DOCK9: variants seen among roughly 807,000 people sequenced by gnomAD.
The protein encoded by DOCK9 is dedicator of cytokinesis 9.
In DOCK9, 89 loss-of-function variants were observed where a neutral mutation model predicts 263.3. That is an observed-to-expected ratio of 0.34 (90% CI 0.28 to 0.40). The LOEUF (loss-of-function observed/expected upper bound fraction) is 0.40. Ranked by LOEUF, DOCK9 falls within the 10% of genes least tolerant of loss-of-function variation. DOCK9 has a pLI of 1.00. For synonymous variants in DOCK9, 976 were observed against 973.1 expected (o/e 1.00, Z -0.06); for missense variants, 2,140 against 2,603.4 (o/e 0.82, Z 3.87).
intron 1 of DOCK9, among the ~76,000 whole-genome samples, chr13:99,073,577 G>C (rs1258496255): frequency 6.6e-6 from 1 of 152,148 alleles, no homozygotes; most frequent in Non-Finnish European, 1.5e-5. Context: ...CTGGCAGCTG[G>C]CATTGATCTT....
chr13:98,955,569 A>G lies in DOCK9; in HGVS notation c.127-18T>C. 1 of 1,520,296 alleles carries G rather than the reference A, an allele frequency of 6.6e-7. No homozygotes were observed. 94.2% of individuals were successfully genotyped at this position (1,520,296 alleles called of 1,614,324 possible). On this transcript the variant is annotated intron_variant, in intron 1 of 52. Coordinates refer to ENST00000682017, the MANE Select transcript of DOCK9 (RefSeq NM_001366683.2). ...GGCTTTGCCTGGAGGGCGAAAAGAT[A>G]AGCAAGACATTCTCATACACAAATG... is the stretch of plus-strand genomic sequence containing the variant.
chr13:98,915,310 G>T lies in DOCK9; in HGVS notation c.892+19C>A, dbSNP rs752077040. ...CCCACAGAGTGTGTATGTGCCTGGG[G>T]GAAGCCAAGCCTATCTACCTTCGTG... On this transcript the variant is annotated intron_variant, in intron 8 of 52. Transcript: ENST00000682017. 1 of 1,609,920 alleles carries T rather than the reference G, an allele frequency of 6.2e-7. No individual in the cohort carries two copies. Among genetic ancestry groups the T allele is most frequent in the South Asian group, 1.1e-5 (1 of 90,344 alleles).
At chr13:98,939,629 G>C (rs1351555095) in intron 2 of DOCK9, among the ~76,000 whole-genome samples, 2 of 152,210 alleles carry the variant, frequency 1.3e-5, no homozygotes, top group African/African-American at 4.8e-5. Flanking sequence ...GAGACGGACG[G>C]ACCTGGATGC....
Position 98,902,345 on chromosome 13 carries a change from C to T in DOCK9, c.1323G>A (p.Gln441=). The T allele has an allele frequency of 6.2e-7, 1 of 1,614,032 alleles. No homozygotes were observed. Among genetic ancestry groups the T allele is most frequent in the Non-Finnish European group, 8.5e-7 (1 of 1,179,892 alleles). ...TSPALMNGSG[Q]SPSVLKGILH... ...GGATGCCCTTGAGGACAGATGGGCT[C>T]TGCCCACTGCCATTCATCAGCGCCG... Residue 441 remains glutamine (Q), a synonymous_variant, in exon 12 of 53, where the codon CAG becomes CAA. Coordinates refer to ENST00000682017, the MANE Select transcript of DOCK9 (RefSeq NM_001366683.2).
intron 2 of DOCK9, among the ~76,000 whole-genome samples, chr13:98,952,476 C>G (rs1251204904): frequency 6.6e-6 from 1 of 152,148 alleles, no homozygotes; most frequent in African/African-American, 2.4e-5. Context: ...ACCTTGTGAT[C>G]TGCCCACCTC....
In DOCK9 at chr13:98,879,925, C is replaced by G. The variant is rs1365615752; in HGVS notation, c.2916G>C (p.Gln972His). ...TAACTTTGGAGTTCTCTATCAAATGCTGAGCCATAGATTTGATCAGTACAT... is the reference window on the plus strand; with the variant it reads ...TAACTTTGGAGTTCTCTATCAAATGGTGAGCCATAGATTTGATCAGTACAT... ...FFDVLIKSMAQHLIENSKVKL... is the reference protein window; with the variant it reads ...FFDVLIKSMAHHLIENSKVKL... Residue 972 changes from glutamine (Q) to histidine (H), a missense_variant, in exon 27 of 53, where the codon CAG (glutamine) becomes CAC (histidine). This residue lies in a region of DOCK9 where 1,521 missense variants were observed against 1,741.7 expected (regional missense o/e 0.87). Transcript: ENST00000682017. 5 of 1,609,420 alleles carry G rather than the reference C, an allele frequency of 3.1e-6. No homozygotes were observed. In the African/African-American group the frequency reaches 4.0e-5, roughly 13 times the overall value.
At chr13:98,814,939 A>AAAC in intron 45 of DOCK9, among the ~76,000 whole-genome samples, 2 of 1,240 alleles carry the variant, frequency 1.6e-3, no homozygotes, top group African/African-American at 2.1e-3. Context: ...CTGTCTCAAA[A>AAAC]TAAAATAAAA....
At chr13:98,963,759 A>C (rs1350779489) in intron 1 of DOCK9, among the ~76,000 whole-genome samples, 1 of 152,234 alleles carries the variant, frequency 6.6e-6, no homozygotes, top group African/African-American at 2.4e-5. Flanking sequence ...AGCGCTTCTC[A>C]ATGTTGCCAA....
At chr13:99,027,850 T>C (rs988742305) in intron 1 of DOCK9, among the ~76,000 whole-genome samples, 5 of 152,196 alleles carry the variant, frequency 3.3e-5, no homozygotes, top group Admixed American at 6.5e-5. Flanking sequence ...CTCTCAGCAC[T>C]TGGAATTCAC....
chr13:98,894,508 AT>A lies in DOCK9; in HGVS notation c.1709+2979del, dbSNP rs956483592. ...TCAAAAAATATAGTAATACAGATAT[AT>A]TTTTTCTTCCTTAATAATATAGTGT... On this transcript the variant is annotated intron_variant, in intron 15 of 52. Coordinates refer to ENST00000682017, the MANE Select transcript of DOCK9 (RefSeq NM_001366683.2). Among the ~76,000 whole-genome samples, 25 of 152,174 alleles carry A rather than the reference AT, an allele frequency of 1.6e-4. No homozygotes were observed. The East Asian group carries it at 2.9e-3, about 18-fold the overall frequency.
intron 1 of DOCK9, among the ~76,000 whole-genome samples, chr13:98,983,886 T>G (rs1877839415): frequency 6.6e-6 from 1 of 152,202 alleles, no homozygotes; most frequent in Non-Finnish European, 1.5e-5. Context: ...CAAAGTGCTG[T>G]GATTACAGGT....
intron 2 of DOCK9, among the ~76,000 whole-genome samples, chr13:98,946,424 C>G (rs1037615888): frequency 1.3e-5 from 2 of 152,124 alleles, no homozygotes; most frequent in African/African-American, 4.8e-5. Context: ...CCCTTACTCA[C>G]CCAAGCTCCC....
intron 39 of DOCK9, 114 bp downstream of exon 39, chr13:98,837,380 A>G (rs2093044154): frequency 1.4e-6 from 1 of 694,942 alleles, no homozygotes. Flanking sequence ...TACAGGGACA[A>G]AAATAATTGC....
chr13:98,857,112 C>T (rs1453370586), intron 33 of DOCK9: 2 of 152,136 alleles, frequency 1.3e-5, no homozygotes, highest in Non-Finnish European at 2.9e-5. Context: ...TTGTACATTC[C>T]GTGCTGAACC....
chr13:99,021,863 G>A (rs1456883301), intron 1 of DOCK9, among the ~76,000 whole-genome samples: 1 of 151,946 alleles, frequency 6.6e-6, no homozygotes, highest in Admixed American at 6.6e-5. Context: ...CCTAATGCAC[G>A]CGGGGCTTAA....
At chr13:98,956,996 C>T (rs1197104185) in intron 1 of DOCK9, among the ~76,000 whole-genome samples, 2 of 152,194 alleles carry the variant, frequency 1.3e-5, no homozygotes, top group South Asian at 2.1e-4. Flanking sequence ...CATTTCCCAG[C>T]CTCCTTGTGT....
chr13:98,798,632 T>C (rs984954194), intron 50 of DOCK9, among the ~76,000 whole-genome samples: 1 of 152,176 alleles, frequency 6.6e-6, no homozygotes, highest in Non-Finnish European at 1.5e-5. Context: ...AATAGCAAGA[T>C]CTTGGAGTGC....
chr13:98,862,225 G>A (rs370482376), intron 32 of DOCK9, among the ~76,000 whole-genome samples: 4 of 152,306 alleles, frequency 2.6e-5, no homozygotes, highest in East Asian at 3.9e-4. Context: ...GCAAAATAAA[G>A]GGGTGTGTGT....
intron 27 of DOCK9, among the ~76,000 whole-genome samples, chr13:98,878,288 A>G (rs1333584148): frequency 6.6e-6 from 1 of 152,238 alleles, no homozygotes; most frequent in East Asian, 1.9e-4. Context: ...GCAAATGAAC[A>G]CAGGCTATAA....
Sources: allele counts gnomAD v4.1 joint callset (sites outside exome capture counted in the v4.1 genomes callset), GRCh38; gene constraint gnomAD v4.1.1; regional missense constraint gnomAD v4.1.1; transcripts MANE v1.5; gene names NCBI Gene and HGNC (gene_info 2026-07-23, HGNC 2026-07-21).